Variants in PDZRN3 observed in about 807,000 individuals in gnomAD.
The protein encoded by PDZRN3 is PDZ domain containing ring finger 3, also known as E3 ubiquitin-protein ligase PDZRN3.
Under a neutral mutation model 85.7 loss-of-function variants are expected in PDZRN3, and 38 were observed. The ratio of observed to expected loss-of-function variants is 0.44; its 90% CI spans 0.34 to 0.58. The LOEUF (loss-of-function observed/expected upper bound fraction) is 0.58. Among genes scored for constraint, PDZRN3 ranks in the 20% least tolerant of loss-of-function variants. The pLI is 0.01. For synonymous variants in PDZRN3, 759 were observed against 638.0 expected, an observed-to-expected ratio of 1.19 and a Z score of -2.86; for missense variants, 1,629 against 1,506.4, an observed-to-expected ratio of 1.08 and a Z score of -1.35.
chr3:73,397,028 C>A (rs1301126925), intron 5 of PDZRN3, among the ~76,000 whole-genome samples: 1 of 145,364 alleles, frequency 6.9e-6, no homozygotes, highest in Non-Finnish European at 1.5e-5. Flanking sequence ...TTTCTTTCTT[C>A]TTTTTCTTTC....
intron 3 of PDZRN3, among the ~76,000 whole-genome samples, chr3:73,482,489 T>G (rs1484686076): frequency 6.6e-6 from 1 of 152,214 alleles, no homozygotes; most frequent in African/African-American, 2.4e-5. Context: ...CGTCTCAGAA[T>G]GGCCAAATCA....
At chr3:73,604,946 C>T (rs1406241904) in intron 2 of PDZRN3, among the ~76,000 whole-genome samples, 2 of 152,156 alleles carry the variant, frequency 1.3e-5, no homozygotes, top group Non-Finnish European at 2.9e-5. Context: ...GCAGGCCAGG[C>T]ATGGCAGCTC....
chr3:73,521,935 A>C (rs1704377178), intron 3 of PDZRN3, among the ~76,000 whole-genome samples: 1 of 152,182 alleles, frequency 6.6e-6, no homozygotes, highest in Non-Finnish European at 1.5e-5. Flanking sequence ...TGTAGTGAGC[A>C]GGGTTGACAA....
At chr3:73,438,775 T>C (rs1212099749) in intron 3 of PDZRN3, among the ~76,000 whole-genome samples, 2 of 152,198 alleles carry the variant, frequency 1.3e-5, no homozygotes, top group Non-Finnish European at 2.9e-5. Flanking sequence ...TCCTTAACAA[T>C]ACACACACAG....
intron 3 of PDZRN3, among the ~76,000 whole-genome samples, chr3:73,521,097 T>C (rs1704352669): frequency 6.6e-6 from 1 of 152,114 alleles, no homozygotes; most frequent in Admixed American, 6.5e-5. Context: ...GTGAGACGTG[T>C]CAGCAAGAGA....
At chr3:73,457,759 G>A (rs1402372040) in intron 3 of PDZRN3, among the ~76,000 whole-genome samples, 1 of 152,154 alleles carries the variant, frequency 6.6e-6, no homozygotes, top group Admixed American at 6.5e-5. Context: ...AATGCCATGA[G>A]TGCCCTTCTA....
At chr3:73,429,229 T>C (rs1281498958) in intron 3 of PDZRN3, among the ~76,000 whole-genome samples, 1 of 152,164 alleles carries the variant, frequency 6.6e-6, no homozygotes, top group Non-Finnish European at 1.5e-5. Context: ...GCTTTCTTTT[T>C]CCATACCTAC....
rs375911296 is a variant in PDZRN3, at chr3:73,599,767, C to T, written c.918+2587G>A. Among the ~76,000 whole-genome samples, 111 of 152,306 alleles carry T rather than the reference C, an allele frequency of 7.3e-4. 1 individual carries two copies. Among genetic ancestry groups the T allele is most frequent in the African/African-American group, 2.5e-3 (105 of 41,572 alleles). On this transcript the variant is annotated intron_variant, in intron 3 of 9. Transcript: ENST00000263666. ...GGCAAGGCCATTCATGGCGCCTGGG[C>T]CACCAGCAGATGCCTCTTGTATCTG...
At chr3:73,496,339 T>A (rs2106673149) in intron 3 of PDZRN3, among the ~76,000 whole-genome samples, 1 of 151,280 alleles carries the variant, frequency 6.6e-6, no homozygotes, top group South Asian at 2.1e-4. Context: ...GATTCCTTAT[T>A]AACACTTTAT....
chr3:73,435,032 G>T (rs567422618), intron 3 of PDZRN3, among the ~76,000 whole-genome samples: 79 of 152,284 alleles, frequency 5.2e-4, no homozygotes, highest in African/African-American at 1.8e-3. Flanking sequence ...ATTTTACAAA[G>T]GTTTCATTTT....
chr3:73,408,590 G>GGT (rs1553685356), intron 3 of PDZRN3, among the ~76,000 whole-genome samples: 3 of 150,010 alleles, frequency 2.0e-5, no homozygotes, highest in African/African-American at 7.5e-5. Flanking sequence ...CTTGGAGGAG[G>GGT]GGGGGGGGTG....
At chr3:73,597,545 A>C (rs1380638634) in intron 3 of PDZRN3, among the ~76,000 whole-genome samples, 1 of 152,138 alleles carries the variant, frequency 6.6e-6, no homozygotes, top group African/African-American at 2.4e-5. Flanking sequence ...ACAGCGTTTA[A>C]CCCACGCAAT....
chr3:73,414,014 T>C (rs1702026853), intron 3 of PDZRN3, among the ~76,000 whole-genome samples: 1 of 152,158 alleles, frequency 6.6e-6, no homozygotes, highest in Non-Finnish European at 1.5e-5. Context: ...TCTTACTAAG[T>C]TGTCTCAATG....
At chr3:73,512,249 C>A (rs1704179564) in intron 3 of PDZRN3, among the ~76,000 whole-genome samples, 1 of 152,222 alleles carries the variant, frequency 6.6e-6, no homozygotes, top group Admixed American at 6.5e-5. Flanking sequence ...GCGAACCGTT[C>A]CAAATTCAGA....
At chr3:73,393,668 C>G (rs1315950260) in intron 5 of PDZRN3, among the ~76,000 whole-genome samples, 1 of 152,138 alleles carries the variant, frequency 6.6e-6, no homozygotes, top group Non-Finnish European at 1.5e-5. Context: ...CTGTAATACA[C>G]TTCTAGATTT....
intron 3 of PDZRN3, among the ~76,000 whole-genome samples, chr3:73,480,547 T>C (rs1467434939): frequency 2.0e-5 from 3 of 152,174 alleles, no homozygotes; most frequent in Non-Finnish European, 2.9e-5. Context: ...ACATACTCTC[T>C]AGCCAGCTTT....
chr3:73,385,246 C>G (rs566683487), intron 9 of PDZRN3, among the ~76,000 whole-genome samples: 1 of 152,152 alleles, frequency 6.6e-6, no homozygotes, highest in Non-Finnish European at 1.5e-5. Context: ...TATAAAGGTC[C>G]TTGTTCAACT....
intron 3 of PDZRN3, among the ~76,000 whole-genome samples, chr3:73,503,999 T>G (rs142916692): frequency 6.6e-6 from 1 of 152,314 alleles, no homozygotes; most frequent in Admixed American, 6.5e-5. Flanking sequence ...CTGTAGAGAA[T>G]AGAGTTGAAC....
At chr3:73,413,081 C>T (rs1017014017) in intron 3 of PDZRN3, among the ~76,000 whole-genome samples, 5 of 152,158 alleles carry the variant, frequency 3.3e-5, no homozygotes, top group African/African-American at 1.2e-4. Context: ...TAAAGTAAAG[C>T]TCTTGGCACA....
Sources: gnomAD v4.1 joint callset for allele counts (sites outside exome capture counted in the v4.1 genomes callset) on GRCh38, gnomAD v4.1.1 for gene constraint, MANE v1.5 for transcripts, NCBI Gene and HGNC (gene_info 2026-07-23, HGNC 2026-07-21) for gene names.